KCNQ3: variants seen among roughly 807,000 people sequenced by gnomAD.
KCNQ3 encodes potassium voltage-gated channel subfamily Q member 3.
Under a neutral mutation model 92.5 loss-of-function variants are expected in KCNQ3, and 30 were observed. That is an observed-to-expected ratio of 0.32 (90% CI 0.24 to 0.44). The LOEUF is 0.44. Ranked by LOEUF, KCNQ3 falls within the 20% of genes least tolerant of loss-of-function variation. The pLI, the probability that KCNQ3 is intolerant of heterozygous loss-of-function variation, is 1.00. For synonymous variants in KCNQ3, 450 were observed against 468.8 expected (o/e 0.96, Z 0.52); for missense variants, 913 against 1,140.3 (o/e 0.80, Z 2.87).
intron 1 of KCNQ3, among the ~76,000 whole-genome samples, chr8:132,230,449 CAGAGAGAGAGAGAGAGAGAGAGAG>C (rs5895132): frequency 7.0e-6 from 1 of 142,362 alleles, no homozygotes; most frequent in Non-Finnish European, 1.6e-5. Flanking sequence ...GAGAGAGAGA[CAGAGAGAGAGAGAGAGAGAGAGAG>C]AGAGAGAGAA....
At chr8:132,146,286 G>A (rs887345022) in intron 9 of KCNQ3, among the ~76,000 whole-genome samples, 5 of 152,200 alleles carry the variant, frequency 3.3e-5, no homozygotes, top group Admixed American at 2.6e-4. Flanking sequence ...GACATACAAC[G>A]GGATACCATT....
chr8:132,147,535 G>C (rs1320044202), intron 9 of KCNQ3, among the ~76,000 whole-genome samples: 2 of 152,130 alleles, frequency 1.3e-5, no homozygotes, highest in East Asian at 1.9e-4. Context: ...GTACACAGGA[G>C]TGTCTTAATA....
intron 1 of KCNQ3, among the ~76,000 whole-genome samples, chr8:132,361,532 A>G (rs4736576): frequency 0.57 from 86,744 of 152,118 alleles, 27,570 homozygotes; most frequent in African/African-American, 0.87. Flanking sequence ...ATCAGGCTGC[A>G]AGATTACTGT....
At chr8:132,449,915 C>A (rs1821781774) in intron 1 of KCNQ3, among the ~76,000 whole-genome samples, 1 of 152,128 alleles carries the variant, frequency 6.6e-6, no homozygotes, top group African/African-American at 2.4e-5. Context: ...AGGCCATCAC[C>A]CAGGGTCCAG....
intron 1 of KCNQ3, among the ~76,000 whole-genome samples, chr8:132,246,186 C>A (rs1333613256): frequency 1.3e-5 from 2 of 152,124 alleles, no homozygotes; most frequent in Non-Finnish European, 2.9e-5. Flanking sequence ...TCCCATTTAC[C>A]TATTCTTGTG....
chr8:132,448,502 GAAAA>G, intron 1 of KCNQ3, among the ~76,000 whole-genome samples: 18 of 93,846 alleles, frequency 1.9e-4, no homozygotes, highest in Middle Eastern at 6.0e-3. Flanking sequence ...GGAGAAATAT[GAAAA>G]AAAAAAAAAA....
intron 1 of KCNQ3, among the ~76,000 whole-genome samples, chr8:132,251,823 A>G (rs1815420739): frequency 6.6e-6 from 1 of 152,234 alleles, no homozygotes. Context: ...AGTGACAAGC[A>G]AACATCCCTC....
chr8:132,178,701 C>T (rs1162435637), intron 4 of KCNQ3, among the ~76,000 whole-genome samples: 6 of 151,974 alleles, frequency 3.9e-5, no homozygotes, highest in African/African-American at 9.7e-5. Context: ...ACCCCTTCAA[C>T]GTATCTAGGT....
chr8:132,160,319 T>A (rs1465134394), intron 9 of KCNQ3, among the ~76,000 whole-genome samples: 1 of 152,204 alleles, frequency 6.6e-6, no homozygotes, highest in Non-Finnish European at 1.5e-5. Flanking sequence ...GCTAATGGAC[T>A]CCCTATGCAT....
chr8:132,236,855 G>A (rs1814832393), intron 1 of KCNQ3, among the ~76,000 whole-genome samples: 1 of 152,222 alleles, frequency 6.6e-6, no homozygotes, highest in Non-Finnish European at 1.5e-5. Flanking sequence ...TAGCTCTGAA[G>A]ATGAAGGGGA....
intron 1 of KCNQ3, among the ~76,000 whole-genome samples, chr8:132,260,093 CA>C (rs1815728631): frequency 6.6e-6 from 1 of 152,100 alleles, no homozygotes; most frequent in African/African-American, 2.4e-5. Context: ...TCTACAGAGT[CA>C]ACATAATCAA....
At chr8:132,190,524 G>A (rs1277335164) in intron 1 of KCNQ3, among the ~76,000 whole-genome samples, 1 of 152,174 alleles carries the variant, frequency 6.6e-6, no homozygotes, top group East Asian at 1.9e-4. Flanking sequence ...AGGAACTGTG[G>A]GATTCTTGGA....
At chr8:132,433,688 G>A (rs1051846711) in intron 1 of KCNQ3, among the ~76,000 whole-genome samples, 4 of 151,682 alleles carry the variant, frequency 2.6e-5, no homozygotes, top group African/African-American at 4.9e-5. Context: ...TCAGGAGTTC[G>A]AGACCAGCCT....
At chr8:132,265,258 T>C (rs921580203) in intron 1 of KCNQ3, among the ~76,000 whole-genome samples, 3 of 152,260 alleles carry the variant, frequency 2.0e-5, no homozygotes, top group Non-Finnish European at 4.4e-5. Context: ...TTTGCCTAGA[T>C]GAAATAGGTC....
At chr8:132,262,538 A>G (rs1237570202) in intron 1 of KCNQ3, among the ~76,000 whole-genome samples, 1 of 152,158 alleles carries the variant, frequency 6.6e-6, no homozygotes, top group Non-Finnish European at 1.5e-5. Context: ...TGACAAGGTT[A>G]GGGAAAAGGC....
intron 1 of KCNQ3, among the ~76,000 whole-genome samples, chr8:132,380,692 G>T (rs1007668162): frequency 6.7e-6 from 1 of 149,642 alleles, no homozygotes; most frequent in African/African-American, 2.5e-5. Context: ...CCCTCCCAGG[G>T]AGTCAGTCCC....
chr8:132,150,834 T>TTG (rs1825614812), intron 9 of KCNQ3, among the ~76,000 whole-genome samples: 1 of 152,040 alleles, frequency 6.6e-6, no homozygotes, highest in African/African-American at 2.4e-5. Flanking sequence ...TATATATGTG[T>TTG]TGTGTGTGTG....
At chr8:132,146,437 G>C (rs377178533) in intron 9 of KCNQ3, among the ~76,000 whole-genome samples, 1 of 152,204 alleles carries the variant, frequency 6.6e-6, no homozygotes, top group Non-Finnish European at 1.5e-5. Flanking sequence ...GTGTGGTCAA[G>C]CTCATACAAA....
intron 1 of KCNQ3, among the ~76,000 whole-genome samples, chr8:132,355,377 C>A (rs1046689198): frequency 1.6e-4 from 25 of 152,080 alleles, no homozygotes; most frequent in African/African-American, 5.8e-4. Context: ...GTCCTCCAGT[C>A]CAAGAGAAGC....
Sources: allele counts gnomAD v4.1 joint callset (sites outside exome capture counted in the v4.1 genomes callset), GRCh38; gene constraint gnomAD v4.1.1; transcripts MANE v1.5; gene names NCBI Gene and HGNC (gene_info 2026-07-23, HGNC 2026-07-21).